Variants in KIRREL3 observed in about 807,000 individuals in gnomAD.
The protein encoded by KIRREL3 is kirre like nephrin family adhesion molecule 3, also known as kin of IRRE-like protein 3.
A neutral mutation model predicts 89.7 loss-of-function variants in KIRREL3; 36 were observed. The observed-to-expected ratio is 0.40, with a 90% confidence interval of 0.31 to 0.53. KIRREL3 has a LOEUF of 0.53. Among genes scored for constraint, KIRREL3 ranks in the 20% least tolerant of loss-of-function variants. The pLI is 0.49. For synonymous variants in KIRREL3, 445 were observed against 441.4 expected, an observed-to-expected ratio of 1.01 and a Z score of -0.10; for missense variants, 864 against 1,056.6, an observed-to-expected ratio of 0.82 and a Z score of 2.53.
rs1441353564 is a variant in KIRREL3, at chr11:126,647,391, A to G, written c.56-84479T>C. Among the ~76,000 whole-genome samples the G allele has an allele frequency of 2.6e-5, 4 of 152,216 alleles. No homozygotes were observed. Among genetic ancestry groups the G allele is most frequent in the Non-Finnish European group, 5.9e-5 (4 of 68,036 alleles). ...AAGGAAACCCAGCCCCAGGAGGGAGACTGAGATATATGAGGTATACCCCTT... is the reference window on the plus strand; with the variant it reads ...AAGGAAACCCAGCCCCAGGAGGGAGGCTGAGATATATGAGGTATACCCCTT... On this transcript the variant is annotated intron_variant, in intron 1 of 16. Coordinates refer to ENST00000525144, the MANE Select transcript of KIRREL3 (RefSeq NM_032531.4). This position sits in a 1 kb window ranked among gnomAD's most constrained non-coding sequence, Gnocchi z 4.9.
Position 126,492,644 on chromosome 11 carries a change from TC to T in KIRREL3, c.434-19179del, listed in dbSNP as rs566869557. Among the ~76,000 whole-genome samples the T allele has an allele frequency of 5.9e-5, 9 of 152,238 alleles. No homozygotes were observed. The South Asian group carries it at 1.9e-3, about 32-fold the overall frequency. ...CAGCCACCAGGCCATTTTTATGACT[TC>T]CTATCAAACTTTGATAAATTGACTC... On this transcript the variant is annotated intron_variant, in intron 4 of 16. Transcript: ENST00000525144. The surrounding 1 kb of genome is among the most constrained non-coding windows in gnomAD (Gnocchi z 4.8).
In KIRREL3 at chr11:126,432,410, T is replaced by C. The variant is rs952616788; in HGVS notation, c.1589-884A>G. ...CTGCAAGTGGGGTCGGAGCACATGATTTAGGGCCTTGAGGAATCCATCAGG... is the reference window on the plus strand; with the variant it reads ...CTGCAAGTGGGGTCGGAGCACATGACTTAGGGCCTTGAGGAATCCATCAGG... On this transcript the variant is annotated intron_variant, in intron 13 of 16. Transcript: ENST00000525144. The surrounding 1 kb of genome is among the most constrained non-coding windows in gnomAD (Gnocchi z 6.2). Among the ~76,000 whole-genome samples, 4 of 152,042 alleles carry C rather than the reference T, an allele frequency of 2.6e-5. No homozygotes were observed. The highest frequency in any genetic ancestry group is 9.7e-5 in the African/African-American group (4 of 41,384).
chr11:126,883,730 A>G lies in KIRREL3; in HGVS notation c.55+116725T>C, dbSNP rs7128121. 0.013 allele frequency among the ~76,000 whole-genome samples: 2,028 copies of G among 152,198 alleles called. 46 individuals carry two copies. The highest frequency in any genetic ancestry group is 0.046 in the African/African-American group (1,924 of 41,514). ...TGGACAAGCATTAGTCTCAGAACTT[A>G]TGTTTGGAACTCTTACACAGGCTGG... On this transcript the variant is annotated intron_variant, in intron 1 of 16. Coordinates refer to ENST00000525144, the MANE Select transcript of KIRREL3 (RefSeq NM_032531.4). This position sits in a 1 kb window ranked among gnomAD's most constrained non-coding sequence, Gnocchi z 4.1.
In KIRREL3 at chr11:126,710,004, G is replaced by T. The variant is rs1947695899; in HGVS notation, c.56-147092C>A. 6.6e-6 allele frequency among the ~76,000 whole-genome samples: 1 copy of T among 152,220 alleles called. No homozygotes were observed. The highest frequency in any genetic ancestry group is 1.5e-5 in the Non-Finnish European group (1 of 68,040). The stretch of plus-strand genomic sequence containing the variant: ...ATCCTTACACATGCCCTGCCAGGAA[G>T]TTACTGTCACAGCCATTTTAGAGAT... On this transcript the variant is annotated intron_variant, in intron 1 of 16. Coordinates refer to ENST00000525144, the MANE Select transcript of KIRREL3 (RefSeq NM_032531.4). The surrounding 1 kb of genome is among the most constrained non-coding windows in gnomAD (Gnocchi z 4.2).
Position 126,435,232 on chromosome 11 carries a change from C to T in KIRREL3, c.1588+36G>A, listed in dbSNP as rs201642786. 6.2e-6 allele frequency: 10 copies of T among 1,611,698 alleles called. No individual in the cohort carries two copies. The East Asian group carries it at 1.3e-4, about 22-fold the overall frequency. On this transcript the variant is annotated intron_variant, in intron 13 of 16. Coordinates refer to ENST00000525144, the MANE Select transcript of KIRREL3 (RefSeq NM_032531.4). ...CAGCTAGCCAGGAAGTCCCTTCCCC[C>T]CTTCCCAGGGCCATTCTCATCATCT...
chr11:126,691,633 T>C (rs1946881962), intron 1 of KIRREL3, among the ~76,000 whole-genome samples: 1 of 152,208 alleles, frequency 6.6e-6, no homozygotes, highest in Non-Finnish European at 1.5e-5. Context: ...AGTAAAACTT[T>C]GTTTGAAAAA....
chr11:126,882,859 T>C (rs145128472), intron 1 of KIRREL3, among the ~76,000 whole-genome samples: 1 of 152,318 alleles, frequency 6.6e-6, no homozygotes, highest in East Asian at 1.9e-4. Context: ...ACATTTGAAG[T>C]TTCTGGGTTC....
rs1947139200 is a variant in KIRREL3, at chr11:126,697,317, C to T, written c.56-134405G>A. On this transcript the variant is annotated intron_variant, in intron 1 of 16. Coordinates refer to ENST00000525144, the MANE Select transcript of KIRREL3 (RefSeq NM_032531.4). This position sits in a 1 kb window ranked among gnomAD's most constrained non-coding sequence, Gnocchi z 4.2. ...TGAACTGCAGCCAGCACTGGCCTTG[C>T]CGGCTCACTGCACAGGGTGGGCACT... Among the ~76,000 whole-genome samples, 1 of 152,208 alleles carries T rather than the reference C, an allele frequency of 6.6e-6. No individual in the cohort carries two copies. The highest frequency in any genetic ancestry group is 2.1e-4 in the South Asian group (1 of 4,826).
chr11:126,692,450 C>A (rs1448105268), intron 1 of KIRREL3, among the ~76,000 whole-genome samples: 1 of 140,954 alleles, frequency 7.1e-6, no homozygotes, highest in Non-Finnish European at 1.5e-5. Flanking sequence ...GAGGCTGAGG[C>A]AGGAGGATCA....
At chr11:126,617,522 A>C (rs904808646) in intron 1 of KIRREL3, among the ~76,000 whole-genome samples, 8 of 152,260 alleles carry the variant, frequency 5.3e-5, no homozygotes, top group Non-Finnish European at 2.9e-5. Context: ...GAAAAGAAAT[A>C]TATGCCCTCT....
intron 1 of KIRREL3, among the ~76,000 whole-genome samples, chr11:126,967,110 G>A (rs902527196): frequency 3.3e-5 from 5 of 152,076 alleles, no homozygotes; most frequent in East Asian, 1.9e-4. Context: ...TCTCTGACCC[G>A]GAGCTCAATG....
chr11:126,727,489 A>G (rs995472946), intron 1 of KIRREL3, among the ~76,000 whole-genome samples: 1 of 152,228 alleles, frequency 6.6e-6, no homozygotes, highest in Admixed American at 6.5e-5. Context: ...CTTGGTGTCC[A>G]TGGTAAGTCT....
chr11:126,653,131 A>C lies in KIRREL3; in HGVS notation c.56-90219T>G, dbSNP rs543147184. 6.6e-6 allele frequency among the ~76,000 whole-genome samples: 1 copy of C among 152,364 alleles called. No homozygotes were observed. The highest frequency in any genetic ancestry group is 2.1e-4 in the South Asian group (1 of 4,832). On this transcript the variant is annotated intron_variant, in intron 1 of 16. Transcript: ENST00000525144. The surrounding 1 kb of genome is among the most constrained non-coding windows in gnomAD (Gnocchi z 5.4). The stretch of plus-strand genomic sequence containing the variant: ...ATTGTCTTGTGAGGAATATATGTAC[A>C]CAACTGAAAAGTTAAGTAAACAAGA...
At chr11:126,435,618 G>A (rs1955296416) in intron 12 of KIRREL3, among the ~76,000 whole-genome samples, 2 of 152,182 alleles carry the variant, frequency 1.3e-5, no homozygotes, top group Admixed American at 6.5e-5. Flanking sequence ...GGCAACAGGG[G>A]ACCAGGAAGG....
rs1165937761 is a variant in KIRREL3, at chr11:126,830,712, C to T, written c.55+169743G>A. On this transcript the variant is annotated intron_variant, in intron 1 of 16. Transcript: ENST00000525144. The surrounding 1 kb of genome is among the most constrained non-coding windows in gnomAD (Gnocchi z 4.9). ...CTGCCTGGATGCAAAACTAACTTAG[C>T]ATAGCAGCTGAATGTGAAAGCTCTT... Among the ~76,000 whole-genome samples the T allele has an allele frequency of 6.6e-6, 1 of 152,176 alleles. No homozygotes were observed. Among genetic ancestry groups the T allele is most frequent in the African/African-American group, 2.4e-5 (1 of 41,434 alleles).
In KIRREL3 at chr11:126,682,452, T is replaced by A. The variant is rs1344871570; in HGVS notation, c.56-119540A>T. 3.3e-5 allele frequency among the ~76,000 whole-genome samples: 5 copies of A among 152,082 alleles called. No homozygotes were observed. Among genetic ancestry groups the A allele is most frequent in the Non-Finnish European group, 7.4e-5 (5 of 68,014 alleles). On this transcript the variant is annotated intron_variant, in intron 1 of 16. Coordinates refer to ENST00000525144, the MANE Select transcript of KIRREL3 (RefSeq NM_032531.4). This position sits in a 1 kb window ranked among gnomAD's most constrained non-coding sequence, Gnocchi z 4.8. Reference sequence around the variant, plus strand: ...TACTGAGTAGGTGTGCAATCAATATTTGTTTTTTCCTGCCACTCCTTTACC... The same window carrying A: ...TACTGAGTAGGTGTGCAATCAATATATGTTTTTTCCTGCCACTCCTTTACC...
rs1210348428 is a variant in KIRREL3, at chr11:126,610,237, T to G, written c.56-47325A>C. Among the ~76,000 whole-genome samples, 3 of 152,096 alleles carry G rather than the reference T, an allele frequency of 2.0e-5. No individual in the cohort carries two copies. The highest frequency in any genetic ancestry group is 4.8e-5 in the African/African-American group (2 of 41,412). ...TGCCGAGTGGCTGGGATTACAGGCA[T>G]GCACCACCACGCCTGGCTAATTTTT... On this transcript the variant is annotated intron_variant, in intron 1 of 16. Transcript: ENST00000525144. This position sits in a 1 kb window ranked among gnomAD's most constrained non-coding sequence, Gnocchi z 4.6.
chr11:126,785,443 A>G (rs1229667084), intron 1 of KIRREL3, among the ~76,000 whole-genome samples: 1 of 152,106 alleles, frequency 6.6e-6, no homozygotes, highest in East Asian at 1.9e-4. Context: ...GCCCTGTGAT[A>G]TGAAGCGTTC....
At chr11:126,426,149 T>C (rs187104187) in intron 15 of KIRREL3, among the ~76,000 whole-genome samples, 10 of 152,332 alleles carry the variant, frequency 6.6e-5, no homozygotes, top group Non-Finnish European at 1.2e-4. Flanking sequence ...GATGGACTTG[T>C]AGATAAATAA....
Sources: allele counts gnomAD v4.1 joint callset (sites outside exome capture counted in the v4.1 genomes callset), GRCh38; gene constraint gnomAD v4.1.1; non-coding constraint Gnocchi (gnomAD v3.1); transcripts MANE v1.5; gene names NCBI Gene and HGNC (gene_info 2026-07-23, HGNC 2026-07-21).